PCDHGA1: variants seen among roughly 807,000 people sequenced by gnomAD.
PCDHGA1 encodes the protein protocadherin gamma-A1.
Under a neutral mutation model 58.0 loss-of-function variants are expected in PCDHGA1, and 32 were observed. The ratio of observed to expected loss-of-function variants is 0.55; its 90% CI spans 0.42 to 0.74. PCDHGA1 has a LOEUF of 0.74. Ranked by LOEUF, PCDHGA1 falls within the 30% of genes least tolerant of loss-of-function variation. PCDHGA1 has a pLI of 0.00. For missense variants in PCDHGA1, 1,205 were observed against 1,182.3 expected, an observed-to-expected ratio of 1.02 and a Z score of -0.28; for synonymous variants, 498 against 501.1, an observed-to-expected ratio of 0.99 and a Z score of 0.08.
intron 1 of PCDHGA1, chr5:141,468,556 GAT>G (rs754546771): frequency 6.6e-6 from 1 of 151,930 alleles, no homozygotes; most frequent in Non-Finnish European, 1.5e-5. Flanking sequence ...TAACATTTGT[GAT>G]ATAGTAAACA....
intron 1 of PCDHGA1, chr5:141,350,697 G>A (rs777060876): frequency 1.2e-6 from 2 of 1,613,814 alleles, no homozygotes; most frequent in African/African-American, 1.3e-5. Flanking sequence ...GCCTTACCCG[G>A]GGTAAAATTC....
intron 1 of PCDHGA1, chr5:141,351,724 G>A (rs749407581): frequency 6.2e-7 from 1 of 1,613,806 alleles, no homozygotes; most frequent in East Asian, 2.2e-5. Flanking sequence ...ACTCTATTCT[G>A]GCCAGTGACC....
intron 1 of PCDHGA1, chr5:141,357,740 T>G: frequency 2.3e-6 from 3 of 1,285,732 alleles, no homozygotes; most frequent in Non-Finnish European, 3.2e-6. Flanking sequence ...ATTTTATTGC[T>G]TTAAAGAAAA....
intron 1 of PCDHGA1, chr5:141,361,179 T>C: frequency 6.2e-7 from 1 of 1,613,926 alleles, no homozygotes; most frequent in Non-Finnish European, 8.5e-7. Flanking sequence ...CTGAAGTTAT[T>C]GTGACTTCAG....
chr5:141,375,144 G>C lies in PCDHGA1; in HGVS notation c.2421+42039G>C, dbSNP rs747224962. On this transcript the variant is annotated intron_variant, in intron 1 of 3. Transcript: ENST00000517417. Reference sequence around the variant, plus strand: ...GAAGTGGTTGTTACATCTGGAAGCAGAACAATTGCTGAAAGTGCACCTCCA... The same window carrying C: ...GAAGTGGTTGTTACATCTGGAAGCACAACAATTGCTGAAAGTGCACCTCCA... 18 of 1,613,936 alleles carry C rather than the reference G, an allele frequency of 1.1e-5. No individual in the cohort carries two copies. The South Asian group carries it at 1.4e-4, about 13-fold the overall frequency.
chr5:141,340,851 G>C (rs138760869), intron 1 of PCDHGA1: 5 of 1,613,602 alleles, frequency 3.1e-6, no homozygotes, highest in Non-Finnish European at 1.7e-6. Context: ...GGCGAGGTGC[G>C]CACGGCGCGA....
chr5:141,384,959 A>G (rs771197511), intron 1 of PCDHGA1: 2 of 1,613,600 alleles, frequency 1.2e-6, no homozygotes, highest in Admixed American at 1.7e-5. Flanking sequence ...CCTTACAACT[A>G]TGACCTCACG....
chr5:141,421,297 C>T (rs143092131), intron 1 of PCDHGA1: 106 of 1,613,512 alleles, frequency 6.6e-5, no homozygotes, highest in Non-Finnish European at 8.5e-5. Flanking sequence ...CCTGGGGACG[C>T]TGCGGGGGTT....
At chr5:141,396,447 C>T (rs1200125693) in intron 1 of PCDHGA1, 2 of 152,068 alleles carry the variant, frequency 1.3e-5, no homozygotes, top group South Asian at 2.1e-4. Flanking sequence ...GGTGAAACCC[C>T]GTCTCTACTA....
chr5:141,510,919 C>T (rs748157000), intron 3 of PCDHGA1, 28 bp from the exon 4 acceptor site: 1 of 1,613,894 alleles, frequency 6.2e-7, no homozygotes, highest in East Asian at 2.2e-5. Context: ...AAGTTTAGCT[C>T]CCACCTGATC....
chr5:141,427,265 C>G (rs767369457), intron 1 of PCDHGA1: 1 of 456,688 alleles, frequency 2.2e-6, no homozygotes, highest in Non-Finnish European at 4.4e-6. Context: ...GCATGACCAG[C>G]GAATGTAAAA....
intron 1 of PCDHGA1, chr5:141,424,561 T>C (rs972361161): frequency 7.9e-5 from 12 of 152,236 alleles, no homozygotes; most frequent in African/African-American, 2.9e-4. Flanking sequence ...TCAGTGCTTC[T>C]CAAAAACCTA....
At chr5:141,360,101 C>G in intron 1 of PCDHGA1, 1 of 1,533,062 alleles carries the variant, frequency 6.5e-7, no homozygotes, top group East Asian at 2.4e-5. Context: ...AAGGCTTATT[C>G]CTCCTATGGG....
intron 1 of PCDHGA1, chr5:141,441,038 G>T (rs1263659082): frequency 1.3e-5 from 2 of 152,156 alleles, no homozygotes; most frequent in Non-Finnish European, 2.9e-5. Flanking sequence ...AAAACTTTAA[G>T]TACATTGGAC....
chr5:141,477,878 C>A lies in PCDHGA1; in HGVS notation c.2422-16929C>A. ...GCTGCCTCGAGGTACCTCAGCTGGC[C>A]ACCTAGTGTCACGGGTGGTAGGCTG... is the stretch of plus-strand genomic sequence containing the variant. On this transcript the variant is annotated intron_variant, in intron 1 of 3. Transcript: ENST00000517417. The surrounding 1 kb of genome is among the most constrained non-coding windows in gnomAD (Gnocchi z 4.9). 1.2e-6 allele frequency: 2 copies of A among 1,614,158 alleles called. No individual in the cohort carries two copies. Among genetic ancestry groups the A allele is most frequent in the Non-Finnish European group, 1.7e-6 (2 of 1,180,008 alleles).
At chr5:141,366,898 G>A in intron 1 of PCDHGA1, 4 of 1,204,000 alleles carry the variant, frequency 3.3e-6, no homozygotes, top group Non-Finnish European at 3.4e-6. Flanking sequence ...TATAATTCAT[G>A]CTTTCTCCAT....
chr5:141,466,933 C>A (rs1305734739), intron 1 of PCDHGA1, among the ~76,000 whole-genome samples: 1 of 152,100 alleles, frequency 6.6e-6, no homozygotes, highest in Non-Finnish European at 1.5e-5. Context: ...GAATATTAGT[C>A]CTTTGTCCAG....
intron 1 of PCDHGA1, chr5:141,399,634 A>C: frequency 6.2e-7 from 1 of 1,613,860 alleles, no homozygotes; most frequent in East Asian, 2.2e-5. Context: ...TTACGTGTCC[A>C]TGAGCGCGCA....
chr5:141,399,465 G>C (rs770080703), intron 1 of PCDHGA1: 20 of 1,614,014 alleles, frequency 1.2e-5, no homozygotes, highest in Non-Finnish European at 1.7e-5. Flanking sequence ...ATAACGCTCC[G>C]GTTTTCCACC....
Sources: gnomAD v4.1 joint callset for allele counts (sites outside exome capture counted in the v4.1 genomes callset) on GRCh38, gnomAD v4.1.1 for gene constraint, Gnocchi (gnomAD v3.1) non-coding constraint, MANE v1.5 for transcripts, NCBI Gene and HGNC (gene_info 2026-07-23, HGNC 2026-07-21) for gene names.